KALRN: variants seen among roughly 807,000 people sequenced by gnomAD.
KALRN encodes kalirin RhoGEF kinase, also known as kalirin.
KALRN carries 70 observed loss-of-function variants against 353.7 expected under a neutral mutation model. The observed-to-expected ratio is 0.20, with a 90% CI of 0.16 to 0.24. The LOEUF (loss-of-function observed/expected upper bound fraction) is 0.24, where lower values mean the gene tolerates loss of function less well. Ranked by LOEUF, KALRN falls within the 10% of genes least tolerant of loss-of-function variation. The probability of loss-of-function intolerance (pLI) is 1.00; values close to 1 mark genes in which losing one functional copy is unlikely to be tolerated. For synonymous variants in KALRN, 1,391 were observed against 1,434.8 expected, an observed-to-expected ratio of 0.97 and a Z score of 0.69; for missense variants, 2,791 against 3,756.7, an observed-to-expected ratio of 0.74 and a Z score of 6.72.
intron 33 of KALRN, among the ~76,000 whole-genome samples, chr3:124,559,928 G>C (rs75998757): frequency 6.6e-6 from 1 of 152,182 alleles, no homozygotes; most frequent in African/African-American, 2.4e-5. Context: ...GCTTGAGCCC[G>C]GTTGTCTACA....
At chr3:124,042,304 T>G (rs1183451390) in intron 1 of KALRN, among the ~76,000 whole-genome samples, 1 of 152,226 alleles carries the variant, frequency 6.6e-6, no homozygotes, top group Non-Finnish European at 1.5e-5. Flanking sequence ...ACTAGGCTCC[T>G]ACATCATGAA....
At chr3:124,606,617 G>A (rs1159699676) in intron 34 of KALRN, among the ~76,000 whole-genome samples, 2 of 152,086 alleles carry the variant, frequency 1.3e-5, no homozygotes, top group African/African-American at 4.8e-5. Flanking sequence ...TATATCCACA[G>A]ATCTCATTAT....
At chr3:124,475,110 G>A (rs1028833840) in intron 26 of KALRN, among the ~76,000 whole-genome samples, 1 of 152,174 alleles carries the variant, frequency 6.6e-6, no homozygotes, top group Non-Finnish European at 1.5e-5. Context: ...CATGGTAGGT[G>A]TATATATTTA....
chr3:124,662,455 G>A (rs13059396), intron 45 of KALRN, among the ~76,000 whole-genome samples: 1 of 152,120 alleles, frequency 6.6e-6, no homozygotes, highest in African/African-American at 2.4e-5. Context: ...TGAGTGTTTA[G>A]ACCTGATAGT....
rs150996213 is a variant in KALRN at position 124,535,343 on chromosome 3, C to T, written c.4936-27500C>T. 4.2e-3 allele frequency among the ~76,000 whole-genome samples: 646 copies of T among 152,306 alleles called. 4 individuals carry two copies. Among genetic ancestry groups the T allele is most frequent in the Non-Finnish European group, 7.2e-3 (489 of 68,014 alleles). ...TGTATTCACTTCTTACACCAATTTA[C>T]AGCTTGTTTCTCATCTTTTCTTTTA... On this transcript the variant is annotated intron_variant, in intron 33 of 59. Coordinates refer to ENST00000682506, the MANE Select transcript of KALRN (RefSeq NM_001388419.1).
At chr3:124,565,212 G>C (rs1437680180) in intron 34 of KALRN, among the ~76,000 whole-genome samples, 2 of 152,152 alleles carry the variant, frequency 1.3e-5, no homozygotes, top group Non-Finnish European at 2.9e-5. Context: ...AGCTAAGACC[G>C]ACGTCCTAAT....
intron 33 of KALRN, chr3:124,505,011 AGGGAG>A (rs1380008020): frequency 2.1e-5 from 10 of 475,180 alleles, no homozygotes; most frequent in Non-Finnish European, 4.4e-5. Flanking sequence ...GCATGGTTGG[AGGGAG>A]GGGAGGGGAG....
intron 59 of KALRN, among the ~76,000 whole-genome samples, 179 bp downstream of exon 59, chr3:124,717,564 T>C (rs974075653): frequency 4.0e-5 from 6 of 151,832 alleles, no homozygotes; most frequent in East Asian, 2.0e-4. Context: ...GGAGTGGTGG[T>C]GGGCACCTGT....
chr3:124,085,436 C>A (rs1485100975), intron 1 of KALRN, among the ~76,000 whole-genome samples: 2 of 152,136 alleles, frequency 1.3e-5, no homozygotes, highest in African/African-American at 4.8e-5. Context: ...TATGGAGAAC[C>A]CATCCTGACT....
chr3:124,693,746 T>A, intron 51 of KALRN, 58 bp from the exon 52 acceptor site: 3 of 1,188,878 alleles, frequency 2.5e-6, no homozygotes, highest in Non-Finnish European at 3.6e-6. Context: ...GTGAAGTCCC[T>A]TGTTCTCTTT....
chr3:124,283,429 T>C (rs994862247), intron 5 of KALRN, among the ~76,000 whole-genome samples: 1 of 152,166 alleles, frequency 6.6e-6, no homozygotes, highest in East Asian at 1.9e-4. Context: ...TTCCTGAAAA[T>C]ATTTTATCAG....
rs2067080737 is a variant in KALRN, at chr3:124,144,617, ATCCTC to A, written c.74-83372_74-83368del. On this transcript the variant is annotated intron_variant, in intron 1 of 59. Transcript: ENST00000682506. ...CGTCTTCCTTCTCCTCCTCTTCCTC[ATCCTC>A]CTCCTCTTCCTCATCCTCCTCCTCT... Among the ~76,000 whole-genome samples, 3 of 56,258 alleles carry A rather than the reference ATCCTC, an allele frequency of 5.3e-5. No individual in the cohort carries two copies. In the Admixed American group the frequency reaches 6.2e-4, roughly 12 times the overall value. The allele number at this position is 56,258 out of a possible 152,430, so 36.9% of individuals were successfully genotyped here. A position where few individuals can be genotyped will look rare whatever the true frequency, so the allele number is the denominator to read the frequency against.
intron 31 of KALRN, among the ~76,000 whole-genome samples, chr3:124,492,006 G>T (rs1018302260): frequency 6.6e-6 from 1 of 152,124 alleles, no homozygotes; most frequent in Non-Finnish European, 1.5e-5. Flanking sequence ...GCTCTCTGGG[G>T]CACAGCAGTG....
At chr3:124,292,822 A>G (rs954734603) in intron 5 of KALRN, among the ~76,000 whole-genome samples, 3 of 152,234 alleles carry the variant, frequency 2.0e-5, no homozygotes, top group Admixed American at 1.3e-4. Context: ...TTCAGAATCT[A>G]TCATATATGT....
intron 51 of KALRN, among the ~76,000 whole-genome samples, chr3:124,691,459 C>G (rs576598438): frequency 2.6e-5 from 4 of 152,132 alleles, no homozygotes; most frequent in Admixed American, 2.6e-4. Flanking sequence ...ATAAAGAAAG[C>G]GAAACATGCT....
chr3:124,621,248 A>G (rs1221436209), intron 34 of KALRN, among the ~76,000 whole-genome samples: 1 of 152,222 alleles, frequency 6.6e-6, no homozygotes, highest in Non-Finnish European at 1.5e-5. Flanking sequence ...CTAGAAACGA[A>G]CTAAGATGTG....
intron 1 of KALRN, among the ~76,000 whole-genome samples, chr3:124,144,432 C>T (rs1212750948): frequency 6.6e-6 from 1 of 151,888 alleles, no homozygotes; most frequent in East Asian, 1.9e-4. Context: ...CAGTGGGCAG[C>T]TAGCATCTCC....
chr3:124,584,407 AT>A (rs2074917313), intron 34 of KALRN, among the ~76,000 whole-genome samples: 1 of 151,918 alleles, frequency 6.6e-6, no homozygotes, highest in Non-Finnish European at 1.5e-5. Context: ...ATCTAGTTGT[AT>A]TTTTTAAGCC....
At chr3:124,546,041 C>T (rs1160542227) in intron 33 of KALRN, among the ~76,000 whole-genome samples, 10 of 152,100 alleles carry the variant, frequency 6.6e-5, no homozygotes, top group Non-Finnish European at 1.0e-4. Context: ...TGGAGAGTAA[C>T]TTACTATGGG....
Sources: gnomAD v4.1 joint callset for allele counts (sites outside exome capture counted in the v4.1 genomes callset) on GRCh38, gnomAD v4.1.1 for gene constraint, MANE v1.5 for transcripts, NCBI Gene and HGNC (gene_info 2026-07-23, HGNC 2026-07-21) for gene names.